Variants in PTPRH observed in about 807,000 individuals in gnomAD.
PTPRH encodes the protein protein tyrosine phosphatase receptor type H.
PTPRH carries 113 observed loss-of-function variants against 130.2 expected under a neutral mutation model. The observed-to-expected ratio is 0.87, with a 90% CI of 0.75 to 1.01. The LOEUF is 1.01. Ranked by LOEUF, PTPRH falls within the 50% of genes least tolerant of loss-of-function variation. The probability of loss-of-function intolerance (pLI) is 0.00; values close to 1 mark genes in which losing one functional copy is unlikely to be tolerated. For synonymous variants in PTPRH, 556 were observed against 577.9 expected (o/e 0.96, Z 0.54); for missense variants, 1,430 against 1,425.0 (o/e 1.00, Z -0.06).
rs1192852377 is a variant in PTPRH, at chr19:55,209,257, C to T, written c.51+126G>A. On this transcript the variant is annotated intron_variant, in intron 1 of 19. Transcript: ENST00000376350. The surrounding 1 kb of genome is among the most constrained non-coding windows in gnomAD (Gnocchi z 4.1). ...TACAGTCTCTGCCAAGCCTGAAGCC[C>T]TCTTCCTTCTCCAGGGGATCTTCAG... The T allele has an allele frequency of 2.4e-6, 2 of 832,344 alleles. No homozygotes were observed. Among genetic ancestry groups the T allele is most frequent in the African/African-American group, 1.7e-5 (1 of 59,362 alleles). 51.6% of individuals were successfully genotyped at this position (832,344 alleles called of 1,614,324 possible). A position where few individuals can be genotyped will look rare whatever the true frequency, so the allele number is the denominator to read the frequency against.
At chr19:55,206,232 C>CA (rs549937134) in intron 3 of PTPRH, among the ~76,000 whole-genome samples, 6,384 of 125,218 alleles carry the variant, frequency 0.051, 176 homozygotes, top group South Asian at 0.11. Context: ...GACTCTGCCT[C>CA]AAAAAAAAAA....
chr19:55,202,120 C>T lies in PTPRH; in HGVS notation c.1089G>A (p.Val363=), dbSNP rs780827980. ...VDRLEPGCLY[V]FSVWVGKNGI... ...CATTCTTCCCCACCCACACGGAAAA[C>T]ACATACAAACACCCGGGTTCAAGTC... is the stretch of plus-strand genomic sequence containing the variant. The change falls in exon 6 of 20, where the codon GTG becomes GTA. Residue 363 remains valine (V), a synonymous_variant. Transcript: ENST00000376350. The T allele has an allele frequency of 6.2e-7, 1 of 1,614,222 alleles. No homozygotes were observed. Among genetic ancestry groups the T allele is most frequent in the South Asian group, 1.1e-5 (1 of 91,084 alleles).
intron 18 of PTPRH, among the ~76,000 whole-genome samples, chr19:55,183,158 G>A (rs1177497452): frequency 6.7e-6 from 1 of 148,432 alleles, no homozygotes; most frequent in Non-Finnish European, 1.5e-5. Flanking sequence ...CACTTTGGGA[G>A]GCTGAGGTGG....
Position 55,186,518 on chromosome 19 carries a change from C to A in PTPRH, c.2589G>T (p.Leu863=). ...AGCCTGGCTCCTCATGGATGGGCTTCAGGGGCACCCGGGACCAGTCATCTA... is the reference window on the plus strand; with the variant it reads ...AGCCTGGCTCCTCATGGATGGGCTTAAGGGGCACCCGGGACCAGTCATCTA... ...VLPYDWSRVP[L]KPIHEEPGSD... is the part of the protein sequence containing the mutation. The change falls in exon 15 of 20, where the codon CTG becomes CTT. Residue 863 remains leucine, a synonymous_variant. Coordinates refer to ENST00000376350, the MANE Select transcript of PTPRH (RefSeq NM_002842.5). 6.9e-7 allele frequency: 1 copy of A among 1,442,024 alleles called. No homozygotes were observed. Among genetic ancestry groups the A allele is most frequent in the Non-Finnish European group, 9.1e-7 (1 of 1,103,096 alleles). 89.3% of individuals were successfully genotyped at this position (1,442,024 alleles called of 1,614,324 possible).
chr19:55,191,851 T>C (rs1393833632), intron 10 of PTPRH, 110 bp from the exon 11 acceptor site: 1 of 938,434 alleles, frequency 1.1e-6, no homozygotes, highest in South Asian at 1.3e-5. Context: ...CAAAGACAGC[T>C]GACCCCCGAA....
chr19:55,199,215 G>A (rs1329310350), intron 7 of PTPRH, among the ~76,000 whole-genome samples: 1 of 152,232 alleles, frequency 6.6e-6, no homozygotes, highest in African/African-American at 2.4e-5. Context: ...GCTGAGGTGG[G>A]AGGATCGCTT....
chr19:55,183,253 A>C (rs1333690504), intron 18 of PTPRH, among the ~76,000 whole-genome samples: 1 of 149,664 alleles, frequency 6.7e-6, no homozygotes, highest in African/African-American at 2.5e-5. Flanking sequence ...AAAAAAAAAA[A>C]ATTACCCGGG....
chr19:55,182,149 G>A lies in PTPRH; in HGVS notation c.3065C>T (p.Ala1022Val), dbSNP rs2086195439. 2.5e-6 allele frequency: 4 copies of A among 1,613,592 alleles called. No individual in the cohort carries two copies. The highest frequency in any genetic ancestry group is 3.4e-6 in the Non-Finnish European group (4 of 1,179,996). Residue 1022 changes from alanine (A) to valine (V), a missense_variant and splice_region_variant, in exon 19 of 20, where the codon GCT (alanine) becomes GTT (valine). Physicochemically the swap from Ala to Val is moderately conservative, Grantham distance 64. Coordinates refer to ENST00000376350, the MANE Select transcript of PTPRH (RefSeq NM_002842.5). Reference sequence around the variant, plus strand: ...GAGGGTTCCTGTGCGACCCACGCCAGCACTAGGCAGAACAAGGGAAGGGTC... The same window carrying A: ...GAGGGTTCCTGTGCGACCCACGCCAACACTAGGCAGAACAAGGGAAGGGTC... ...EGGPPIVHCS[A>V]GVGRTGTLIA... is the part of the protein sequence containing the mutation.
Position 55,198,654 on chromosome 19 carries a change from G to A in PTPRH, c.1679C>T (p.Thr560Ile). ...CGACTGTGTCTCACCAGTGGCTGCAGTGAGGGTGCTGTTATAGCCTCTGAC... is the reference window on the plus strand; with the variant it reads ...CGACTGTGTCTCACCAGTGGCTGCAATGAGGGTGCTGTTATAGCCTCTGAC... ...NEVRGYNSTL[T>I]AATAPNEVTD... The change falls in exon 8 of 20, where the codon ACT becomes ATT. Residue 560 changes from threonine (T) to isoleucine (I), a missense_variant. Transcript: ENST00000376350. The A allele has an allele frequency of 2.5e-6, 4 of 1,605,866 alleles. No homozygotes were observed. Among genetic ancestry groups the A allele is most frequent in the Non-Finnish European group, 3.4e-6 (4 of 1,175,046 alleles).
At chr19:55,182,230 T>C in intron 18 of PTPRH, 79 bp from the exon 19 acceptor site, 1 of 1,486,062 alleles carries the variant, frequency 6.7e-7, no homozygotes. Flanking sequence ...GAGGGATCTG[T>C]GTTTGAATGA....
intron 7 of PTPRH, among the ~76,000 whole-genome samples, chr19:55,199,789 GAAAA>G (rs938216202): frequency 7.0e-6 from 1 of 143,394 alleles, no homozygotes; most frequent in Admixed American, 7.3e-5. Flanking sequence ...GAGAGAGACA[GAAAA>G]AAAGAAAGAA....
At chr19:55,207,090 G>A in intron 2 of PTPRH, 76 bp downstream of exon 2, 1 of 1,593,678 alleles carries the variant, frequency 6.3e-7, no homozygotes, top group Non-Finnish European at 8.6e-7. Context: ...GACCCCACGG[G>A]GACCCCCCAG....
At chr19:55,206,657 G>T in intron 3 of PTPRH, 32 bp downstream of exon 3, 4 of 1,544,962 alleles carry the variant, frequency 2.6e-6, no homozygotes, top group South Asian at 1.2e-5. Context: ...CCTTATAAAA[G>T]AAATAAAAAT....
rs778595356 is a variant in PTPRH at position 55,203,978 on chromosome 19, G to T, written c.690C>A (p.Val230=). ...AGTTCTGTGGGTCTGTGCCATCGGG[G>T]ACCTCCCAGCTCAGGGAGATGGAGC... The part of the protein sequence containing the change: ...TTSSISLSWE[V]PDGTDPQNST... Residue 230 remains valine (V), a synonymous_variant, in exon 5 of 20, where the codon GTC becomes GTA. Transcript: ENST00000376350. 5 of 1,614,050 alleles carry T rather than the reference G, an allele frequency of 3.1e-6. No homozygotes were observed. The highest frequency in any genetic ancestry group is 4.2e-6 in the Non-Finnish European group (5 of 1,180,024).
chr19:55,183,045 C>G (rs2086219867), intron 18 of PTPRH, among the ~76,000 whole-genome samples: 1 of 150,774 alleles, frequency 6.6e-6, no homozygotes, highest in South Asian at 2.1e-4. Flanking sequence ...ATCCTCCCAC[C>G]TCAGCCCCCC....
chr19:55,182,187 A>G (rs757741850), intron 18 of PTPRH, 36 bp from the exon 19 acceptor site: 18 of 1,604,956 alleles, frequency 1.1e-5, no homozygotes, highest in East Asian at 8.9e-5. Context: ...ACCAAGGGGC[A>G]GGAGTGTGAG....
chr19:55,196,311 C>A (rs1340532443), intron 10 of PTPRH, among the ~76,000 whole-genome samples: 1 of 152,122 alleles, frequency 6.6e-6, no homozygotes, highest in Non-Finnish European at 1.5e-5. Context: ...TCACTTGAAC[C>A]CGGGAGGCAG....
rs1265958609 is a variant in PTPRH, at chr19:55,198,782, C to A, written c.1551G>T (p.Met517Ile). The A allele has an allele frequency of 6.2e-7, 1 of 1,613,766 alleles. No homozygotes were observed. Residue 517 changes from methionine (M) to isoleucine (I), a missense_variant, in exon 8 of 20, where the codon ATG (methionine) becomes ATT (isoleucine). Physicochemically the swap from Met to Ile is conservative, Grantham distance 10 (BLOSUM62 1). Coordinates refer to ENST00000376350, the MANE Select transcript of PTPRH (RefSeq NM_002842.5). ...SYWVSWVREGMTDPRTQSTSG... is the reference protein window; with the variant it reads ...SYWVSWVREGITDPRTQSTSG... ...AGGTGCTTTGGGTCCTGGGGTCAGTCATGCCTTCCCTGACCCATGAGACCC... is the reference window on the plus strand; with the variant it reads ...AGGTGCTTTGGGTCCTGGGGTCAGTAATGCCTTCCCTGACCCATGAGACCC...
intron 8 of PTPRH, among the ~76,000 whole-genome samples, chr19:55,198,016 C>T (rs952796866): frequency 3.9e-5 from 6 of 152,128 alleles, no homozygotes; most frequent in Non-Finnish European, 5.9e-5. Context: ...AATTCGACAC[C>T]AGCTTGGGCA....
Sources: gnomAD v4.1 joint callset for allele counts (sites outside exome capture counted in the v4.1 genomes callset) on GRCh38, gnomAD v4.1.1 for gene constraint, Gnocchi (gnomAD v3.1) non-coding constraint, MANE v1.5 for transcripts, NCBI Gene and HGNC (gene_info 2026-07-23, HGNC 2026-07-21) for gene names.